The following NFAM1 variants were observed in gnomAD, a reference collection of about 807,000 sequenced individuals.
The protein encoded by NFAM1 is NFAT activating protein with ITAM motif 1.
In NFAM1, 17 loss-of-function variants were observed where a neutral mutation model predicts 29.0. That is an observed-to-expected ratio of 0.59 (90% CI 0.40 to 0.88). The LOEUF (loss-of-function observed/expected upper bound fraction) is 0.88. Among genes scored for constraint, NFAM1 ranks in the 40% least tolerant of loss-of-function variants. NFAM1 has a pLI of 0.00. For missense variants in NFAM1, 324 were observed against 344.6 expected (o/e 0.94, Z 0.47); for synonymous variants, 175 against 147.2 (o/e 1.19, Z -1.36).
In NFAM1 at chr22:42,408,406, G is replaced by A. The variant is rs541803242; in HGVS notation, c.564+1029C>T. The stretch of plus-strand genomic sequence containing the variant: ...CAGGGAGACCCCAATGATGGTGCCA[G>A]TGTTCACGCCTCACACCCAGGGCTG... On this transcript the variant is annotated intron_variant, in intron 3 of 5. Transcript: ENST00000329021. 1.7e-4 allele frequency among the ~76,000 whole-genome samples: 26 copies of A among 152,212 alleles called. No homozygotes were observed. The South Asian group carries it at 5.0e-3, about 29-fold the overall frequency.
At chr22:42,418,946 C>T (rs1281045017) in intron 1 of NFAM1, among the ~76,000 whole-genome samples, 1 of 152,178 alleles carries the variant, frequency 6.6e-6, no homozygotes, top group Non-Finnish European at 1.5e-5. Context: ...CTGCTCTTCT[C>T]CCACCCTTGT....
At chr22:42,426,549 G>C (rs1930628636) in intron 1 of NFAM1, among the ~76,000 whole-genome samples, 1 of 152,180 alleles carries the variant, frequency 6.6e-6, no homozygotes, top group Non-Finnish European at 1.5e-5. Flanking sequence ...CCTGGTGCTG[G>C]ACTCGGCCTC....
At chr22:42,435,762 G>C (rs1428398165), upstream of NFAM1, among the ~76,000 whole-genome samples, 1 of 151,556 alleles carries the variant, frequency 6.6e-6, no homozygotes, top group African/African-American at 2.4e-5. Flanking sequence ...CCTGTCCAGG[G>C]AGAAAAACAG....
At chr22:42,428,726 T>C (rs1930705387) in intron 1 of NFAM1, among the ~76,000 whole-genome samples, 1 of 152,110 alleles carries the variant, frequency 6.6e-6, no homozygotes, top group Admixed American at 6.5e-5. Flanking sequence ...TCAATGGATA[T>C]GTGAGAAATA....
rs1048860283 is a variant in NFAM1, at chr22:42,382,479, G to A, written c.*2682C>T. ...GCCCTGAGGCCACCCAGCCTGGGTG[G>A]GTCTCAAAAGCAATTTTCTTCTCTT... On this transcript the variant is annotated 3_prime_UTR_variant, in exon 6 of 6. Transcript: ENST00000329021. 6.6e-6 allele frequency: 1 copy of A among 151,936 alleles called. No individual in the cohort carries two copies. Among genetic ancestry groups the A allele is most frequent in the Non-Finnish European group, 1.5e-5 (1 of 68,002 alleles). The allele number at this position is 151,936 out of a possible 1,614,324, so 9.4% of individuals were successfully genotyped here.
In NFAM1 at chr22:42,411,441, C is replaced by CGTGGAGT; in HGVS notation, c.410_416dup (p.Val140LeufsTer100). The CGTGGAGT allele has an allele frequency of 6.2e-7, 1 of 1,614,086 alleles. No individual in the cohort carries two copies. Among genetic ancestry groups the CGTGGAGT allele is most frequent in the South Asian group, 1.1e-5 (1 of 91,076 alleles). On this transcript the variant is annotated frameshift_variant, in exon 2 of 6. Coordinates refer to ENST00000329021, the MANE Select transcript of NFAM1 (RefSeq NM_145912.8). LOFTEE classifies it high-confidence loss of function. ...GGATGAAGGTGCCGCTGCCTCTCAC[C>CGTGGAGT]GTGGAGTGTGGCCAGTGGACAGAGC...
In NFAM1 at chr22:42,398,534, T is replaced by C. The variant is rs552171506; in HGVS notation, c.565-578A>G. ...TTCAAGCGATTCTCCCGCCTCAGCC[T>C]CCTGAGCAGCTGGGACTACGGGCAT... On this transcript the variant is annotated intron_variant, in intron 3 of 5. Transcript: ENST00000329021. 4.7e-4 allele frequency among the ~76,000 whole-genome samples: 71 copies of C among 152,040 alleles called. 1 individual carries two copies. Among genetic ancestry groups the C allele is most frequent in the African/African-American group, 1.6e-3 (66 of 41,472 alleles).
upstream of NFAM1, among the ~76,000 whole-genome samples, chr22:42,433,516 C>T (rs1373592613): frequency 2.0e-5 from 3 of 152,314 alleles, no homozygotes; most frequent in Admixed American, 1.3e-4. Context: ...CCTGCTACTG[C>T]CTGCTCAGGT....
intron 1 of NFAM1, among the ~76,000 whole-genome samples, chr22:42,429,686 C>T (rs1319621994): frequency 1.3e-5 from 2 of 152,224 alleles, no homozygotes; most frequent in Non-Finnish European, 2.9e-5. Flanking sequence ...AGCCAGCATC[C>T]TCTCGCAAGT....
rs372024414 is a variant in NFAM1, at chr22:42,380,804, A to AAGAG, written c.*4353_*4356dup. 2.6e-5 allele frequency: 4 copies of AAGAG among 152,072 alleles called. No individual in the cohort carries two copies. Among genetic ancestry groups the AAGAG allele is most frequent in the African/African-American group, 9.7e-5 (4 of 41,362 alleles). 9.4% of individuals were successfully genotyped at this position (152,072 alleles called of 1,614,324 possible). A position where few individuals can be genotyped will look rare whatever the true frequency, so the allele number is the denominator to read the frequency against. On this transcript the variant is annotated 3_prime_UTR_variant, in exon 6 of 6. Coordinates refer to ENST00000329021, the MANE Select transcript of NFAM1 (RefSeq NM_145912.8). ...TAGAATGTGCTTTAACAAAAAAAAAAAGAGAGAGAGAGAGAAAGAAAAAGG... is the reference window on the plus strand; with the variant it reads ...TAGAATGTGCTTTAACAAAAAAAAAAAGAGAGAGAGAGAGAGAGAAAGAAAAAGG...
chr22:42,432,907 A>G (rs1018619634), upstream of NFAM1, among the ~76,000 whole-genome samples: 1 of 152,094 alleles, frequency 6.6e-6, no homozygotes, highest in African/African-American at 2.4e-5. Context: ...CACCCAGGGC[A>G]GGTGAAAGGC....
rs556158804 is a variant in NFAM1 at position 42,385,894 on chromosome 22, C to T, written c.754-674G>A. Among the ~76,000 whole-genome samples the T allele has an allele frequency of 2.6e-5, 4 of 152,322 alleles. No homozygotes were observed. In the South Asian group the frequency reaches 6.2e-4, roughly 24 times the overall value. On this transcript the variant is annotated intron_variant, in intron 5 of 5. Transcript: ENST00000329021. ...GAGAAGGCCAAGTGCCAGGCGCCCG[C>T]ACTCCCTGACAGATGTTCCAAGAGG...
At chr22:42,402,773 G>A (rs1929765194) in intron 3 of NFAM1, among the ~76,000 whole-genome samples, 1 of 151,546 alleles carries the variant, frequency 6.6e-6, no homozygotes, top group Non-Finnish European at 1.5e-5. Context: ...CTTCTCAAGA[G>A]AGAGACCTCT....
intron 1 of NFAM1, among the ~76,000 whole-genome samples, chr22:42,416,104 C>T (rs1318664185): frequency 6.6e-6 from 1 of 152,180 alleles, no homozygotes; most frequent in Admixed American, 6.5e-5. Context: ...TGTATCCTGG[C>T]TTGGTGTGAC....
chr22:42,394,035 A>T (rs145901199), intron 4 of NFAM1, among the ~76,000 whole-genome samples: 62 of 151,612 alleles, frequency 4.1e-4, no homozygotes, highest in African/African-American at 1.4e-3. Flanking sequence ...CCTTATTTTT[A>T]TTTATTTATT....
intron 3 of NFAM1, among the ~76,000 whole-genome samples, chr22:42,400,075 C>T (rs1473585959): frequency 6.6e-6 from 1 of 152,200 alleles, no homozygotes; most frequent in African/African-American, 2.4e-5. Context: ...AGGTGACTTG[C>T]CGAGGCCACG....
At chr22:42,430,587 TG>T (rs1930765712) in intron 1 of NFAM1, among the ~76,000 whole-genome samples, 1 of 123,108 alleles carries the variant, frequency 8.1e-6, no homozygotes, top group Admixed American at 8.3e-5. Context: ...AAATCATGGG[TG>T]GGGGTTTGTC....
chr22:42,431,364 G>A (rs1161439277), intron 1 of NFAM1, among the ~76,000 whole-genome samples: 1 of 152,178 alleles, frequency 6.6e-6, no homozygotes, highest in African/African-American at 2.4e-5. Flanking sequence ...GCTCTTGAAA[G>A]CCCCATAAAC....
intron 1 of NFAM1, among the ~76,000 whole-genome samples, chr22:42,414,529 A>G (rs1930195107): frequency 6.6e-6 from 1 of 151,942 alleles, no homozygotes; most frequent in African/African-American, 2.4e-5. Context: ...TCTTGAAGCC[A>G]GGAGTTCAAG....
Sources: allele counts gnomAD v4.1 joint callset (sites outside exome capture counted in the v4.1 genomes callset), GRCh38; gene constraint gnomAD v4.1.1; transcripts MANE v1.5; gene names NCBI Gene and HGNC (gene_info 2026-07-23, HGNC 2026-07-21).